Variants in FAM186B observed in about 807,000 individuals in gnomAD.
FAM186B encodes family with sequence similarity 186 member B.
Under a neutral mutation model 83.4 loss-of-function variants are expected in FAM186B, and 68 were observed. The ratio of observed to expected loss-of-function variants is 0.81; its 90% confidence interval spans 0.67 to 1.00. The LOEUF (loss-of-function observed/expected upper bound fraction) is 1.00. Among genes scored for constraint, FAM186B ranks in the 50% least tolerant of loss-of-function variants. FAM186B has a pLI of 0.00. For missense variants in FAM186B, 983 were observed against 1,099.2 expected, an observed-to-expected ratio of 0.89 and a Z score of 1.49; for synonymous variants, 389 against 422.0, an observed-to-expected ratio of 0.92 and a Z score of 0.96.
chr12:49,598,760 G>C lies in FAM186B; in HGVS notation c.2359C>G (p.Pro787Ala), dbSNP rs760921646. 1.6e-5 allele frequency: 26 copies of C among 1,606,118 alleles called. No homozygotes were observed. In the East Asian group the frequency reaches 5.6e-4, roughly 35 times the overall value. Residue 787 changes from proline to alanine, a missense_variant, in exon 5 of 7, where the codon CCC becomes GCC. Pro to Ala is a conservative substitution (Grantham distance 27, BLOSUM62 -1). Coordinates refer to ENST00000257894, the MANE Select transcript of FAM186B (RefSeq NM_032130.3). ...ECLSSMVTMF[P>A]KLQLEWNVHL... is the part of the protein sequence containing the mutation. The stretch of plus-strand genomic sequence containing the variant: ...GGTCAGGGCGGGAGGCCCACCTTGG[G>C]GAACATGGTCACCATGCTGCTCAGG...
rs1180220137 is a variant in FAM186B at position 49,605,413 on chromosome 12, A to G, written c.65T>C (p.Ile22Thr). The G allele has an allele frequency of 4.3e-6, 7 of 1,613,772 alleles. No homozygotes were observed. The highest frequency in any genetic ancestry group is 1.1e-5 in the South Asian group (1 of 90,884). Residue 22 changes from isoleucine to threonine, a missense_variant, in exon 1 of 7, where the codon ATT becomes ACT. Transcript: ENST00000257894. Reference sequence around the variant, plus strand: ...AGCCCGAGTTAGCTGGGCAGCCTCAATCCTCAGGATGATGGCTTTCACTGA... The same window carrying G: ...AGCCCGAGTTAGCTGGGCAGCCTCAGTCCTCAGGATGATGGCTTTCACTGA... Reference protein sequence around the residue: ...PTSVKAIILRIEAAQLTRAQE... With the variant: ...PTSVKAIILRTEAAQLTRAQE...
downstream of FAM186B, among the ~76,000 whole-genome samples, chr12:49,586,974 A>C (rs577568526): frequency 2.6e-4 from 39 of 152,302 alleles, no homozygotes; most frequent in African/African-American, 8.2e-4. Flanking sequence ...GGGGATCTGT[A>C]ACTGACACAG....
At chr12:49,591,563 A>G (rs1939581515) in intron 5 of FAM186B, among the ~76,000 whole-genome samples, 1 of 152,244 alleles carries the variant, frequency 6.6e-6, no homozygotes, top group African/African-American at 2.4e-5. Context: ...GGAATCCTTC[A>G]GGCAGAAGGA....
At position 49,599,618 on chromosome 12, in the gene FAM186B, C is replaced by A. The variant is rs980425603; in HGVS notation, c.2022G>T (p.Gln674His). 6.2e-7 allele frequency: 1 copy of A among 1,610,754 alleles called. No individual in the cohort carries two copies. Among genetic ancestry groups the A allele is most frequent in the Admixed American group, 1.7e-5 (1 of 59,524 alleles). The change falls in exon 4 of 7, where the codon CAG becomes CAT. Residue 674 changes from glutamine to histidine, a missense_variant. Physicochemically the swap from Gln to His is conservative, Grantham distance 24. Coordinates refer to ENST00000257894, the MANE Select transcript of FAM186B (RefSeq NM_032130.3). ...TCAACTCAGACTCCTCACTCAGGAG[C>A]TGCAGGTTCTTCCTCTGGGCCTCCA... ...MDMEAQRKNL[Q>H]LLSEESELRL...
downstream of FAM186B, among the ~76,000 whole-genome samples, chr12:49,587,127 C>A (rs1205940820): frequency 6.6e-6 from 1 of 152,160 alleles, no homozygotes; most frequent in African/African-American, 2.4e-5. Context: ...CTTGTTGGCC[C>A]CTGGAGTCCC....
At position 49,587,772 on chromosome 12, in the gene FAM186B, A is replaced by G; in HGVS notation, c.2535-20T>C. ...TGTTGGCTGGGAGTGGGGAGTTTGG[A>G]GAATGTGAAAAGCAACAGAGAGAGA... On this transcript the variant is annotated intron_variant, in intron 6 of 6. Transcript: ENST00000257894. 6.2e-7 allele frequency: 1 copy of G among 1,603,202 alleles called. No homozygotes were observed. Among genetic ancestry groups the G allele is most frequent in the East Asian group, 2.2e-5 (1 of 44,830 alleles).
At position 49,601,037 on chromosome 12, in the gene FAM186B, G is replaced by T. The variant is rs774244075; in HGVS notation, c.603C>A (p.Asp201Glu). 2.4e-5 allele frequency: 38 copies of T among 1,614,006 alleles called. No homozygotes were observed. The highest frequency in any genetic ancestry group is 1.0e-4 in the Admixed American group (6 of 60,010). ...QPLSPEQMLQ[D>E]QHTMNTKASE... ...AGGCCTTCGTGTTCATGGTATGCTG[G>T]TCCTGGAGCATCTGTTCTGGGCTTA... Residue 201 changes from aspartate (D) to glutamate (E), a missense_variant, in exon 4 of 7, where the codon GAC (aspartate) becomes GAA (glutamate). Physicochemically the swap from Asp to Glu is conservative, Grantham distance 45 (BLOSUM62 2). Coordinates refer to ENST00000257894, the MANE Select transcript of FAM186B (RefSeq NM_032130.3).
chr12:49,611,736 G>A, the FAM186B span, among the ~76,000 whole-genome samples: 1 of 118,034 alleles, frequency 8.5e-6, no homozygotes. Flanking sequence ...GCATGCACCT[G>A]TAGTCCCAGC....
chr12:49,609,441 G>T (rs1195763116), upstream of FAM186B, among the ~76,000 whole-genome samples: 2 of 152,180 alleles, frequency 1.3e-5, no homozygotes. Context: ...GCACCTGCTT[G>T]CCTGCATTTG....
chr12:49,589,200 A>G (rs377309066), intron 5 of FAM186B, among the ~76,000 whole-genome samples: 104 of 152,334 alleles, frequency 6.8e-4, no homozygotes, highest in African/African-American at 2.3e-3. Flanking sequence ...CCAATGCCTC[A>G]GCATGCTGCC....
rs778922695 is a variant in FAM186B at position 49,603,306 on chromosome 12, G to A, written c.384C>T (p.Asp128=). Residue 128 remains aspartate, a synonymous_variant, in exon 3 of 7, where the codon GAC becomes GAT. Transcript: ENST00000257894. ...RKSEEEAAAL[D]EWIEVTEKVL... ...CTTTCTCCGTCACTTCAATCCATTC[G>A]TCCAGAGCTGCTGCTTCCTCTTCAC... 35 of 1,614,058 alleles carry A rather than the reference G, an allele frequency of 2.2e-5. No homozygotes were observed. The Admixed American group carries it at 4.3e-4, about 20-fold the overall frequency.
At chr12:49,594,609 T>C (rs1315659848) in intron 5 of FAM186B, among the ~76,000 whole-genome samples, 1 of 152,234 alleles carries the variant, frequency 6.6e-6, no homozygotes, top group Non-Finnish European at 1.5e-5. Context: ...GTGTGGTGGC[T>C]CACGCCTGTA....
In FAM186B at chr12:49,591,733, A is replaced by T. The variant is rs1182024744; in HGVS notation, c.2365-3110T>A. 4.6e-5 allele frequency among the ~76,000 whole-genome samples: 7 copies of T among 152,078 alleles called. 1 individual carries two copies. The highest frequency in any genetic ancestry group is 1.0e-4 in the Non-Finnish European group (7 of 68,020). ...CTATCCGTGGGGTATTGGCTCCAGG[A>T]CTCCTCACAGGCACCAAAATTTGTG... On this transcript the variant is annotated intron_variant, in intron 5 of 6. Transcript: ENST00000257894.
At chr12:49,588,858 A>T (rs1485612019) in intron 5 of FAM186B, among the ~76,000 whole-genome samples, 1 of 152,168 alleles carries the variant, frequency 6.6e-6, no homozygotes, top group African/African-American at 2.4e-5. Context: ...CTTTGTTGTG[A>T]GGAAGCTGGA....
chr12:49,593,947 A>C (rs1453896256), intron 5 of FAM186B: 1 of 153,168 alleles, frequency 6.5e-6, no homozygotes, highest in Non-Finnish European at 1.5e-5. Flanking sequence ...GGAGATATAC[A>C]GCATGCTCAT....
chr12:49,587,262 C>T (rs1167106446), downstream of FAM186B, among the ~76,000 whole-genome samples: 5 of 152,124 alleles, frequency 3.3e-5, no homozygotes, highest in Non-Finnish European at 1.5e-5. Flanking sequence ...ATCTCTCCCT[C>T]CCTACACCTG....
chr12:49,613,890 C>T, the FAM186B span, among the ~76,000 whole-genome samples: 2 of 151,444 alleles, frequency 1.3e-5, no homozygotes, highest in African/African-American at 4.9e-5. Context: ...GGCTCACACC[C>T]GTAACCCTAG....
chr12:49,587,431 C>T (rs1275753742), downstream of FAM186B: 10 of 850,814 alleles, frequency 1.2e-5, no homozygotes, highest in East Asian at 1.1e-4. Flanking sequence ...ATGGGGACCC[C>T]GCTTACAGCC....
chr12:49,598,588 T>G (rs1477864381), intron 5 of FAM186B, among the ~76,000 whole-genome samples, 167 bp downstream of exon 5: 1 of 152,160 alleles, frequency 6.6e-6, no homozygotes, highest in Non-Finnish European at 1.5e-5. Context: ...ACCACCTGCC[T>G]TCACCTCTCC....
Sources: allele counts gnomAD v4.1 joint callset (sites outside exome capture counted in the v4.1 genomes callset), GRCh38; gene constraint gnomAD v4.1.1; transcripts MANE v1.5; gene names NCBI Gene and HGNC (gene_info 2026-07-23, HGNC 2026-07-21).